MICAL2: variants seen among roughly 807,000 people sequenced by gnomAD.
MICAL2 encodes the protein microtubule associated monooxygenase, calponin and LIM domain containing 2.
In MICAL2, 77 loss-of-function variants were observed where a neutral mutation model predicts 127.3. The ratio of observed to expected loss-of-function variants is 0.60; its 90% CI spans 0.50 to 0.73. MICAL2 has a LOEUF of 0.73. Among genes scored for constraint, MICAL2 ranks in the 30% least tolerant of loss-of-function variants. The probability of loss-of-function intolerance (pLI) is 0.00; values close to 1 mark genes in which losing one functional copy is unlikely to be tolerated. For missense variants in MICAL2, 1,351 were observed against 1,434.4 expected, an observed-to-expected ratio of 0.94 and a Z score of 0.94; for synonymous variants, 570 against 551.1, an observed-to-expected ratio of 1.03 and a Z score of -0.48.
intron 2 of MICAL2, among the ~76,000 whole-genome samples, chr11:12,281,664 G>A (rs1863773238): frequency 6.6e-6 from 1 of 152,090 alleles, no homozygotes; most frequent in Non-Finnish European, 1.5e-5. Context: ...CCATACGTGT[G>A]GTCATCCCAG....
downstream of MICAL2, among the ~76,000 whole-genome samples, chr11:12,291,449 C>G (rs1302446051): frequency 1.3e-5 from 2 of 152,164 alleles, no homozygotes; most frequent in Non-Finnish European, 2.9e-5. Context: ...CAGCCCCCCA[C>G]AGCACTGAAC....
chr11:12,170,111 G>T (rs80085743), intron 3 of MICAL2, among the ~76,000 whole-genome samples: 1 of 152,222 alleles, frequency 6.6e-6, no homozygotes, highest in African/African-American at 2.4e-5. Context: ...CATTTGCGTG[G>T]TGCTTTACAG....
chr11:12,334,717 G>A (rs1442100574), intron 32 of MICAL2, among the ~76,000 whole-genome samples: 1 of 147,972 alleles, frequency 6.8e-6, no homozygotes, highest in Non-Finnish European at 1.5e-5. Flanking sequence ...TGGTTTTTTT[G>A]TCCTTGTGAT....
At chr11:12,344,744 A>G (rs113708144) in intron 32 of MICAL2, among the ~76,000 whole-genome samples, 71,265 of 149,520 alleles carry the variant, frequency 0.48, 18,968 homozygotes, top group Non-Finnish European at 0.61. Context: ...CAGATGATCC[A>G]CTCACCTCGG....
Position 12,304,637 on chromosome 11 carries a change from AACACACACACACACAC to A in MICAL2, c.5212+9822_5212+9837del, listed in dbSNP as rs57280679. ...GCAACAAGAGCGAAACTCTGTCTCA[AACACACACACACACAC>A]ACACACACACACACACACACACACA... is the stretch of plus-strand genomic sequence containing the variant. On this transcript the variant is annotated intron_variant, in intron 29 of 34. Coordinates refer to the MICAL2 transcript ENST00000646065. Among the ~76,000 whole-genome samples, 24 of 128,922 alleles carry A rather than the reference AACACACACACACACAC, an allele frequency of 1.9e-4. 1 individual carries two copies. The highest frequency in any genetic ancestry group is 1.3e-3 in the East Asian group (5 of 3,950). The allele number at this position is 128,922 out of a possible 152,430, so 84.6% of individuals were successfully genotyped here.
chr11:12,250,938 G>T (rs1403562445), intron 22 of MICAL2, among the ~76,000 whole-genome samples: 1 of 152,168 alleles, frequency 6.6e-6, no homozygotes. Flanking sequence ...CCACACCAGG[G>T]TGACTTATCT....
At chr11:12,236,689 T>G (rs974087667) in intron 16 of MICAL2, among the ~76,000 whole-genome samples, 1 of 152,260 alleles carries the variant, frequency 6.6e-6, no homozygotes, top group Non-Finnish European at 1.5e-5. Flanking sequence ...TGTCGTGGTC[T>G]CCACAAGTGC....
chr11:12,161,481 GT>G (rs1471410628), intron 2 of MICAL2: 1 of 152,510 alleles, frequency 6.6e-6, no homozygotes, highest in African/African-American at 2.4e-5. Context: ...AGGAGCAGAA[GT>G]TTTGAGAAGA....
intron 2 of MICAL2, among the ~76,000 whole-genome samples, chr11:12,139,496 C>T (rs1313176025): frequency 1.3e-5 from 2 of 152,036 alleles, no homozygotes. Context: ...GCGGAGGCTC[C>T]GGCGGAGGGG....
rs377537137 is a variant in MICAL2, at chr11:12,282,730, C to G, written c.254+1631C>G. 5.9e-5 allele frequency among the ~76,000 whole-genome samples: 9 copies of G among 152,352 alleles called. No homozygotes were observed. In the East Asian group the frequency reaches 1.3e-3, roughly 23 times the overall value. ...GCAGCAGGTCTCTGAGTAGGCACAA[C>G]TTCTCCTAATGCTTAACTCTGTAGT... On this transcript the variant is annotated intron_variant, in intron 2 of 2. Coordinates refer to the MICAL2 transcript ENST00000529028.
At position 12,222,716 on chromosome 11, in the gene MICAL2, C is replaced by A. The variant is rs568229290; in HGVS notation, c.1422C>A (p.Leu474=). The A allele has an allele frequency of 3.7e-6, 6 of 1,614,240 alleles. No individual in the cohort carries two copies. The African/African-American group carries it at 4.0e-5, about 11-fold the overall frequency. Residue 474 remains leucine (L), a synonymous_variant, in exon 11 of 28, where the codon CTC becomes CTA. Coordinates refer to ENST00000683283, the MANE Select transcript of MICAL2 (RefSeq NM_001282663.2). ...ACCCAGGGACACGGTACCCAAACCT[C>A]AACTCACACTGTGTCAGGCCCCATC... The part of the protein sequence containing the change: ...TLDPGTRYPN[L]NSHCVRPHQV...
At chr11:12,213,858 G>A (rs191525887) in intron 7 of MICAL2, among the ~76,000 whole-genome samples, 1 of 152,296 alleles carries the variant, frequency 6.6e-6, no homozygotes, top group Admixed American at 6.5e-5. Flanking sequence ...GTTCCCGGGT[G>A]AGTTTGTGCA....
In MICAL2 at chr11:12,170,782, C is replaced by A. The variant is rs930281226; in HGVS notation, c.264+8363C>A. ...CCAGTGGGCTCCTAGATTCTCTGGT[C>A]CTATTGCTATCTTGCTGATCAGTGC... On this transcript the variant is annotated intron_variant, in intron 3 of 27. Coordinates refer to ENST00000683283, the MANE Select transcript of MICAL2 (RefSeq NM_001282663.2). 6.6e-5 allele frequency among the ~76,000 whole-genome samples: 10 copies of A among 152,168 alleles called. 1 individual carries two copies. Among genetic ancestry groups the A allele is most frequent in the Non-Finnish European group, 1.2e-4 (8 of 68,042 alleles).
chr11:12,111,855 C>T (rs1014424860), intron 1 of MICAL2, among the ~76,000 whole-genome samples: 2 of 152,222 alleles, frequency 1.3e-5, no homozygotes, highest in African/African-American at 4.8e-5. Context: ...CTCCCCCTCC[C>T]CAGTGGCAGT....
intron 11 of MICAL2, 50 bp downstream of exon 11, chr11:12,222,793 G>T (rs762545260): frequency 6.2e-7 from 1 of 1,604,660 alleles, no homozygotes; most frequent in South Asian, 1.1e-5. Context: ...CTGAACAGTG[G>T]GAAGAGGTGG....
chr11:12,156,413 G>A (rs188286634), intron 2 of MICAL2, among the ~76,000 whole-genome samples: 5 of 152,294 alleles, frequency 3.3e-5, no homozygotes, highest in Non-Finnish European at 7.4e-5. Flanking sequence ...TCTGGGGAAT[G>A]ACTAAGAAGA....
rs373071192 is a variant in MICAL2 at position 12,203,860 on chromosome 11, G to A, written c.265-390G>A. 2.6e-4 allele frequency among the ~76,000 whole-genome samples: 39 copies of A among 152,104 alleles called. 1 individual carries two copies. In the East Asian group the frequency reaches 3.5e-3, roughly 14 times the overall value. The stretch of plus-strand genomic sequence containing the variant: ...TCAAGACCACAAAGATGTACCATAT[G>A]CTTTTTAAAAGTGATCTTATTTACA... On this transcript the variant is annotated intron_variant, in intron 3 of 27. Coordinates refer to ENST00000683283, the MANE Select transcript of MICAL2 (RefSeq NM_001282663.2).
At chr11:12,217,443 A>G (rs1254520283) in intron 8 of MICAL2, among the ~76,000 whole-genome samples, 3 of 152,018 alleles carry the variant, frequency 2.0e-5, no homozygotes, top group African/African-American at 7.2e-5. Flanking sequence ...ACGCCAGCAG[A>G]TGGGTGGGCG....
chr11:12,127,757 G>T (rs113663232), intron 1 of MICAL2, among the ~76,000 whole-genome samples: 2 of 152,068 alleles, frequency 1.3e-5, no homozygotes, highest in East Asian at 3.8e-4. Flanking sequence ...GACATGTGTG[G>T]GGAGATCTCC....
Sources: gnomAD v4.1 joint callset for allele counts (sites outside exome capture counted in the v4.1 genomes callset) on GRCh38, gnomAD v4.1.1 for gene constraint, MANE v1.5 for transcripts, NCBI Gene and HGNC (gene_info 2026-07-23, HGNC 2026-07-21) for gene names.